LRRTM4: variants seen among roughly 807,000 people sequenced by gnomAD.
The protein encoded by LRRTM4 is leucine-rich repeat transmembrane neuronal protein 4.
Under a neutral mutation model 47.6 loss-of-function variants are expected in LRRTM4, and 25 were observed. That is an observed-to-expected ratio of 0.53 (90% CI 0.38 to 0.73). LRRTM4 has a LOEUF of 0.73. Among genes scored for constraint, LRRTM4 ranks in the 30% least tolerant of loss-of-function variants. The pLI, the probability that LRRTM4 is intolerant of heterozygous loss-of-function variation, is 0.00. For missense variants in LRRTM4, 638 were observed against 713.4 expected, an observed-to-expected ratio of 0.89 and a Z score of 1.20; for synonymous variants, 311 against 269.5, an observed-to-expected ratio of 1.15 and a Z score of -1.51.
chr2:76,972,930 T>C (rs1284828377), intron 3 of LRRTM4, among the ~76,000 whole-genome samples: 5 of 152,096 alleles, frequency 3.3e-5, no homozygotes, highest in Non-Finnish European at 7.4e-5. Context: ...TAATTCTGTG[T>C]TTCCTTTTCC....
intron 3 of LRRTM4, among the ~76,000 whole-genome samples, chr2:76,798,457 A>G (rs1257992787): frequency 6.0e-5 from 9 of 150,970 alleles, no homozygotes; most frequent in Non-Finnish European, 1.3e-4. Context: ...AGCAGTGTGT[A>G]GAGGGAAATT....
At chr2:77,175,638 T>C (rs1249655310) in intron 3 of LRRTM4, among the ~76,000 whole-genome samples, 5 of 152,150 alleles carry the variant, frequency 3.3e-5, no homozygotes, top group African/African-American at 4.8e-5. Context: ...ACCTGTTTCT[T>C]TGTTGGATTA....
intron 3 of LRRTM4, among the ~76,000 whole-genome samples, chr2:77,317,182 T>G (rs192077492): frequency 6.6e-6 from 1 of 152,264 alleles, no homozygotes; most frequent in Non-Finnish European, 1.5e-5. Flanking sequence ...CATCCAAATA[T>G]TCTATATCAA....
chr2:76,865,201 TG>T (rs1672431566), intron 3 of LRRTM4, among the ~76,000 whole-genome samples: 1 of 152,194 alleles, frequency 6.6e-6, no homozygotes, highest in Admixed American at 6.6e-5. Context: ...TTGCTCCCTG[TG>T]GGCTCCATAG....
intron 3 of LRRTM4, among the ~76,000 whole-genome samples, chr2:77,055,267 T>C (rs1300637088): frequency 1.3e-5 from 2 of 152,202 alleles, no homozygotes; most frequent in Non-Finnish European, 2.9e-5. Context: ...TCCTCTTCTC[T>C]GTGACTGGGT....
chr2:77,300,223 CAT>C (rs1397680966), intron 3 of LRRTM4, among the ~76,000 whole-genome samples: 1 of 152,112 alleles, frequency 6.6e-6, no homozygotes, highest in Non-Finnish European at 1.5e-5. Context: ...TTCTAGGAAA[CAT>C]AGGTTATTTT....
chr2:76,913,543 A>ATTTTTTTTTT (rs58615415), intron 3 of LRRTM4, among the ~76,000 whole-genome samples: 21 of 121,474 alleles, frequency 1.7e-4, no homozygotes, highest in African/African-American at 5.9e-4. Context: ...TCCTATTTCA[A>ATTTTTTTTTT]TTTTTTTTTT....
At position 77,492,585 on chromosome 2, in the gene LRRTM4, T is replaced by C. The variant is rs945789849; in HGVS notation, c.1551+25733A>G. On this transcript the variant is annotated intron_variant, in intron 3 of 3. Transcript: ENST00000409884. The stretch of plus-strand genomic sequence containing the variant: ...CACTATACATTTCTAATTGGTGCTA[T>C]TTCCAAGAGACACACAAATTCCTGC... Among the ~76,000 whole-genome samples, 4 of 152,080 alleles carry C rather than the reference T, an allele frequency of 2.6e-5. No homozygotes were observed. In the East Asian group the frequency reaches 7.7e-4, roughly 29 times the overall value.
chr2:77,278,832 A>G (rs1441595553), intron 3 of LRRTM4, among the ~76,000 whole-genome samples: 1 of 151,864 alleles, frequency 6.6e-6, no homozygotes, highest in Non-Finnish European at 1.5e-5. Context: ...TTGTCCTCCC[A>G]TGACCACCGT....
At chr2:76,756,220 T>C (rs1014123033) in intron 3 of LRRTM4, among the ~76,000 whole-genome samples, 2 of 152,192 alleles carry the variant, frequency 1.3e-5, no homozygotes, top group African/African-American at 4.8e-5. Context: ...TTCAAGTTTT[T>C]AGACATAGCT....
chr2:76,869,757 A>G (rs1369883436), intron 3 of LRRTM4, among the ~76,000 whole-genome samples: 1 of 152,210 alleles, frequency 6.6e-6, no homozygotes, highest in African/African-American at 2.4e-5. Context: ...TAAGATTTTA[A>G]GGGAACTTTA....
chr2:77,410,538 T>C (rs1674377394), intron 3 of LRRTM4, among the ~76,000 whole-genome samples: 2 of 152,088 alleles, frequency 1.3e-5, no homozygotes, highest in Non-Finnish European at 2.9e-5. Context: ...GCTAATTAAA[T>C]GAGATAGATC....
At chr2:76,995,107 T>G (rs148520187) in intron 3 of LRRTM4, among the ~76,000 whole-genome samples, 1 of 152,002 alleles carries the variant, frequency 6.6e-6, no homozygotes, top group Non-Finnish European at 1.5e-5. Flanking sequence ...AATTTTGAAG[T>G]GTGCTCTGTA....
intron 3 of LRRTM4, among the ~76,000 whole-genome samples, chr2:77,258,643 G>A (rs1244108786): frequency 1.3e-5 from 2 of 151,848 alleles, no homozygotes; most frequent in Middle Eastern, 3.4e-3. Flanking sequence ...CACTGAGATA[G>A]TAAACTCGTA....
intron 3 of LRRTM4, chr2:76,773,002 G>A (rs990043963): frequency 1.3e-5 from 2 of 152,136 alleles, no homozygotes; most frequent in Non-Finnish European, 2.9e-5. Flanking sequence ...TGGGAGTCTG[G>A]TACTATCTAT....
At position 76,748,311 on chromosome 2, in the gene LRRTM4, T is replaced by G; in HGVS notation, c.*384A>C. 1 of 159,566 alleles carries G rather than the reference T, an allele frequency of 6.3e-6. No individual in the cohort carries two copies. Among genetic ancestry groups the G allele is most frequent in the Non-Finnish European group, 1.3e-5 (1 of 74,224 alleles). 9.9% of individuals were successfully genotyped at this position (159,566 alleles called of 1,614,324 possible). Reference sequence around the variant, plus strand: ...GTTTCCCTAGCTTCCCACCCACCCCTGTTTATTTGCTCCCCTGTGGTTCTC... The same window carrying G: ...GTTTCCCTAGCTTCCCACCCACCCCGGTTTATTTGCTCCCCTGTGGTTCTC... On this transcript the variant is annotated 3_prime_UTR_variant, in exon 4 of 4. Coordinates refer to ENST00000409884, the MANE Select transcript of LRRTM4 (RefSeq NM_001134745.3).
In LRRTM4 at chr2:76,926,571, G is replaced by T. The variant is rs535354413; in HGVS notation, c.1552-177655C>A. Among the ~76,000 whole-genome samples the T allele has an allele frequency of 2.2e-4, 33 of 152,260 alleles. 1 individual carries two copies. The South Asian group carries it at 6.6e-3, about 31-fold the overall frequency. On this transcript the variant is annotated intron_variant, in intron 3 of 3. Transcript: ENST00000409884. ...TTTGGAGCTGGGGGCTTTATTAGTG[G>T]TGATTAGGCCAGGAGGGCTCTGTCC...
intron 3 of LRRTM4, among the ~76,000 whole-genome samples, chr2:77,229,861 T>C (rs958875054): frequency 6.6e-6 from 1 of 152,168 alleles, no homozygotes; most frequent in Non-Finnish European, 1.5e-5. Context: ...ATCACTTTAT[T>C]AGAATTGTCA....
rs375284525 is a variant in LRRTM4 at position 77,087,450 on chromosome 2, T to C, written c.1552-338534A>G. ...GAAAAAATGCCAGTTAATAAATTCA[T>C]TTTAAAATTTCCCAGGTTGGTAGTA... On this transcript the variant is annotated intron_variant, in intron 3 of 3. Coordinates refer to ENST00000409884, the MANE Select transcript of LRRTM4 (RefSeq NM_001134745.3). Among the ~76,000 whole-genome samples the C allele has an allele frequency of 3.9e-5, 6 of 152,256 alleles. No individual in the cohort carries two copies. The South Asian group carries it at 1.2e-3, about 32-fold the overall frequency.
Sources: gnomAD v4.1 joint callset for allele counts (sites outside exome capture counted in the v4.1 genomes callset) on GRCh38, gnomAD v4.1.1 for gene constraint, MANE v1.5 for transcripts, NCBI Gene and HGNC (gene_info 2026-07-23, HGNC 2026-07-21) for gene names.